Variants in CEP63 observed in about 807,000 individuals in gnomAD.
CEP63 encodes centrosomal protein 63.
In CEP63, 84 loss-of-function variants were observed where a neutral mutation model predicts 89.1. The ratio of observed to expected loss-of-function variants is 0.94; its 90% confidence interval spans 0.79 to 1.13. The LOEUF is 1.13. Ranked by LOEUF, CEP63 falls within the 50% of genes most tolerant of loss-of-function variation. CEP63 has a pLI of 0.00. For synonymous variants in CEP63, 267 were observed against 272.5 expected (o/e 0.98, Z 0.20); for missense variants, 838 against 813.3 (o/e 1.03, Z -0.37).
the CEP63 span, chr3:134,619,972 C>T: frequency 6.6e-6 from 1 of 152,264 alleles, no homozygotes; most frequent in Non-Finnish European, 1.5e-5. Context: ...AGCTCATTCT[C>T]TAAGCTGCAT....
the CEP63 span, among the ~76,000 whole-genome samples, chr3:134,657,453 T>C: frequency 6.6e-6 from 1 of 152,246 alleles, no homozygotes; most frequent in Admixed American, 6.5e-5. Flanking sequence ...TATAGTTTGG[T>C]ATCATGATTT....
At chr3:134,612,095 C>T in the CEP63 span, among the ~76,000 whole-genome samples, 1 of 152,162 alleles carries the variant, frequency 6.6e-6, no homozygotes, top group South Asian at 2.1e-4. Context: ...AAAGTCCGGG[C>T]CACTAGTGCT....
the CEP63 span, among the ~76,000 whole-genome samples, chr3:134,645,190 G>T: frequency 3.3e-5 from 5 of 152,222 alleles, no homozygotes; most frequent in African/African-American, 1.2e-4. Flanking sequence ...TCACAGCAGG[G>T]GAAGCCCGTT....
chr3:134,664,077 C>A, the CEP63 span, among the ~76,000 whole-genome samples: 2 of 152,176 alleles, frequency 1.3e-5, no homozygotes, highest in Non-Finnish European at 2.9e-5. Flanking sequence ...CCCTCTGGAG[C>A]CTGCACCTAG....
In CEP63 at chr3:134,559,361, A is replaced by G; in HGVS notation, c.1885A>G (p.Thr629Ala). ...TCATTCTTTGCCTTCAGCGCTAGAT[A>G]CAAATGAAGCCAATTTTTCTGACAC... Reference protein sequence around the residue: ...KTHSLPSALDTNEANFSDTMS... With the variant: ...KTHSLPSALDANEANFSDTMS... The change falls in exon 14 of 15, where the codon ACA becomes GCA. Residue 629 changes from threonine to alanine, a missense_variant. Physicochemically the swap from Thr to Ala is moderately conservative, Grantham distance 58. Transcript: ENST00000675561. The G allele has an allele frequency of 6.2e-7, 1 of 1,614,124 alleles. No individual in the cohort carries two copies. The highest frequency in any genetic ancestry group is 8.5e-7 in the Non-Finnish European group (1 of 1,179,954).
chr3:134,540,525 T>A (rs554057985), intron 6 of CEP63, among the ~76,000 whole-genome samples: 1 of 152,306 alleles, frequency 6.6e-6, no homozygotes, highest in East Asian at 1.9e-4. Flanking sequence ...AGACTTTCTC[T>A]AGCAGTATGT....
the CEP63 span, among the ~76,000 whole-genome samples, chr3:134,638,642 C>A: frequency 6.6e-6 from 1 of 152,238 alleles, no homozygotes; most frequent in African/African-American, 2.4e-5. Context: ...GCCAGCTCTC[C>A]TTGCTTTTCC....
chr3:134,773,689 AC>A, the CEP63 span, among the ~76,000 whole-genome samples: 5 of 147,282 alleles, frequency 3.4e-5, no homozygotes, highest in African/African-American at 1.0e-4. Flanking sequence ...CCCACAGCCC[AC>A]CCCCCCACCT....
At chr3:134,761,661 C>T in the CEP63 span, among the ~76,000 whole-genome samples, 13,095 of 152,226 alleles carry the variant, frequency 0.086, 835 homozygotes, top group South Asian at 0.29. Context: ...GCTTTTTCAG[C>T]ACTCTGTCCA....
the CEP63 span, among the ~76,000 whole-genome samples, chr3:134,618,170 C>G: frequency 6.6e-6 from 1 of 152,094 alleles, no homozygotes. Flanking sequence ...GGTGCCTGTG[C>G]TTGGCAGTGG....
At chr3:134,506,810 C>T (rs1486665713) in intron 2 of CEP63, among the ~76,000 whole-genome samples, 6 of 148,134 alleles carry the variant, frequency 4.1e-5, no homozygotes, top group East Asian at 2.1e-4. Flanking sequence ...CCCAGCTACT[C>T]GGGAGGCTGA....
At chr3:134,750,234 G>T in the CEP63 span, among the ~76,000 whole-genome samples, 4,044 of 152,296 alleles carry the variant, frequency 0.027, 82 homozygotes, top group Non-Finnish European at 0.04. Context: ...AGGCTGTCTG[G>T]TGTGCTGGGA....
At chr3:134,519,274 C>T (rs147736790) in intron 3 of CEP63, among the ~76,000 whole-genome samples, 59 of 152,068 alleles carry the variant, frequency 3.9e-4, no homozygotes, top group African/African-American at 1.3e-3. Context: ...CAGGTGCGCA[C>T]CACCATGCCC....
At chr3:134,491,174 T>C (rs1276310298) in intron 1 of CEP63, among the ~76,000 whole-genome samples, 1 of 152,242 alleles carries the variant, frequency 6.6e-6, no homozygotes, top group African/African-American at 2.4e-5. Context: ...TGTGTTCATT[T>C]TGCATTCCTA....
chr3:134,780,108 C>T, the CEP63 span, among the ~76,000 whole-genome samples: 224 of 152,230 alleles, frequency 1.5e-3, 1 homozygote, highest in Non-Finnish European at 1.2e-3. Flanking sequence ...TTATGTTTAC[C>T]TATCAGTGGG....
the CEP63 span, among the ~76,000 whole-genome samples, chr3:134,640,845 A>G: frequency 2.0e-4 from 31 of 152,256 alleles, no homozygotes; most frequent in African/African-American, 7.2e-4. Flanking sequence ...GGATTATCAC[A>G]ATGCCTCTTA....
At chr3:134,617,066 G>C in the CEP63 span, among the ~76,000 whole-genome samples, 1 of 152,130 alleles carries the variant, frequency 6.6e-6, no homozygotes, top group Admixed American at 6.5e-5. Flanking sequence ...TCTAAAGGAT[G>C]CTAGGATGCT....
At chr3:134,647,304 G>C in the CEP63 span, 1 of 717,754 alleles carries the variant, frequency 1.4e-6, no homozygotes, top group Non-Finnish European at 2.4e-6. Flanking sequence ...GGCCTGGCTG[G>C]GTCAGGAGCA....
chr3:134,550,348 C>A, intron 11 of CEP63, 88 bp downstream of exon 11: 1 of 1,300,652 alleles, frequency 7.7e-7, no homozygotes, highest in South Asian at 1.3e-5. Context: ...ATATTTAATT[C>A]AGTGAATTTT....
Sources: allele counts gnomAD v4.1 joint callset (sites outside exome capture counted in the v4.1 genomes callset), GRCh38; gene constraint gnomAD v4.1.1; transcripts MANE v1.5; gene names NCBI Gene and HGNC (gene_info 2026-07-23, HGNC 2026-07-21).